ARL9: variants seen among roughly 807,000 people sequenced by gnomAD.
The protein encoded by ARL9 is ADP-ribosylation factor-like protein 9.
ARL9 carries 14 observed loss-of-function variants against 27.0 expected under a neutral mutation model. The observed-to-expected ratio is 0.52, with a 90% CI of 0.34 to 0.81. The LOEUF (loss-of-function observed/expected upper bound fraction) is 0.81, where lower values mean the gene tolerates loss of function less well. ARL9 is among the 30% of genes least tolerant of loss of function. The pLI is 0.01. For synonymous variants in ARL9, 106 were observed against 108.7 expected, an observed-to-expected ratio of 0.98 and a Z score of 0.15; for missense variants, 294 against 290.0, an observed-to-expected ratio of 1.01 and a Z score of -0.10.
At chr4:56,519,474 G>A (rs779355281) in intron 3 of ARL9, among the ~76,000 whole-genome samples, 22 of 152,106 alleles carry the variant, frequency 1.4e-4, no homozygotes, top group Non-Finnish European at 2.5e-4. Flanking sequence ...GCCGGGCTTA[G>A]TGGTGGTCAC....
intron 2 of ARL9, among the ~76,000 whole-genome samples, chr4:56,513,108 C>A (rs538657066): frequency 6.6e-4 from 100 of 152,286 alleles, no homozygotes; most frequent in African/African-American, 2.4e-3. Flanking sequence ...CGCTTGCAAT[C>A]TTTGAGATTT....
At chr4:56,506,786 T>G (rs981696511) in intron 1 of ARL9, 3 of 178,638 alleles carry the variant, frequency 1.7e-5, no homozygotes, top group Non-Finnish European at 2.4e-5. Flanking sequence ...ATTAACACAG[T>G]TGTGTGTGTG....
At chr4:56,511,427 T>A in intron 2 of ARL9, 80 bp downstream of exon 2, 1 of 1,405,374 alleles carries the variant, frequency 7.1e-7, no homozygotes, top group Non-Finnish European at 9.6e-7. Context: ...CAACATTGAG[T>A]CCTTGTGAAA....
At chr4:56,517,757 C>G (rs41499049) in intron 2 of ARL9, among the ~76,000 whole-genome samples, 1 of 151,842 alleles carries the variant, frequency 6.6e-6, no homozygotes, top group Non-Finnish European at 1.5e-5. Context: ...GAAGAATCAG[C>G]AGGATGAAGT....
At chr4:56,505,679 C>A, upstream of ARL9, 1 of 995,966 alleles carries the variant, frequency 1.0e-6, no homozygotes, top group Non-Finnish European at 1.4e-6. Flanking sequence ...CTGCAAGAAG[C>A]CCTGCATCCG....
intron 3 of ARL9, among the ~76,000 whole-genome samples, chr4:56,523,430 G>A (rs531222074): frequency 7.2e-5 from 11 of 152,234 alleles, no homozygotes; most frequent in Non-Finnish European, 1.2e-4. Context: ...CAGATTGACT[G>A]CACCGTTTAG....
At chr4:56,514,500 A>G (rs1348739088) in intron 2 of ARL9, among the ~76,000 whole-genome samples, 1 of 152,204 alleles carries the variant, frequency 6.6e-6, no homozygotes, top group African/African-American at 2.4e-5. Flanking sequence ...TGAAGGAAAA[A>G]GAGCATATCA....
intron 3 of ARL9, among the ~76,000 whole-genome samples, chr4:56,519,837 C>T (rs1328332018): frequency 2.0e-5 from 3 of 151,832 alleles, no homozygotes; most frequent in South Asian, 2.1e-4. Flanking sequence ...ATATAAAATA[C>T]GGTATGCACA....
chr4:56,516,319 CA>C (rs1248503647), intron 2 of ARL9, among the ~76,000 whole-genome samples: 1 of 151,650 alleles, frequency 6.6e-6, no homozygotes, highest in Non-Finnish European at 1.5e-5. Flanking sequence ...AAACAGGATA[CA>C]AAAAATAATA....
Position 56,515,950 on chromosome 4 carries a change from T to C in ARL9, c.443-2728T>C, listed in dbSNP as rs1721755954. On this transcript the variant is annotated intron_variant, in intron 2 of 3. Coordinates refer to ENST00000640821, the MANE Select transcript of ARL9 (RefSeq NM_001363794.2). Reference sequence around the variant, plus strand: ...TAAAAAGAGTTTGACAAGCTGAGGCTAAAATTTACATGGGTGAGCAAAGGG... The same window carrying C: ...TAAAAAGAGTTTGACAAGCTGAGGCCAAAATTTACATGGGTGAGCAAAGGG... Among the ~76,000 whole-genome samples the C allele has an allele frequency of 2.6e-5, 4 of 152,304 alleles. No individual in the cohort carries two copies. In the South Asian group the frequency reaches 6.2e-4, roughly 24 times the overall value.
At chr4:56,521,803 G>T (rs1721926789) in intron 3 of ARL9, among the ~76,000 whole-genome samples, 1 of 151,980 alleles carries the variant, frequency 6.6e-6, no homozygotes, top group South Asian at 2.1e-4. Context: ...ATTCCTACTA[G>T]GGTGTTTATC....
Position 56,523,936 on chromosome 4 carries a change from C to T in ARL9, c.*60C>T. 6.8e-7 allele frequency: 1 copy of T among 1,479,518 alleles called. No homozygotes were observed. The allele number at this position is 1,479,518 out of a possible 1,614,324, so 91.6% of individuals were successfully genotyped here. A position where few individuals can be genotyped will look rare whatever the true frequency, so the allele number is the denominator to read the frequency against. ...GATGTCATCAGTGTTGAATGGCAGG[C>T]TTGAAGCCAAAGGTTTCCACCTCAA... On this transcript the variant is annotated 3_prime_UTR_variant, in exon 4 of 4. Coordinates refer to ENST00000640821, the MANE Select transcript of ARL9 (RefSeq NM_001363794.2).
At chr4:56,518,508 C>T (rs1721826187) in intron 2 of ARL9, among the ~76,000 whole-genome samples, 170 bp from the exon 3 acceptor site, 2 of 152,146 alleles carry the variant, frequency 1.3e-5, no homozygotes, top group South Asian at 2.1e-4. Context: ...ACCAGTTTAC[C>T]GCTAACATGC....
At chr4:56,505,265 T>G, upstream of ARL9, 1 of 380,920 alleles carries the variant, frequency 2.6e-6, no homozygotes, top group East Asian at 7.6e-5. Flanking sequence ...GGTAGTAGTC[T>G]GGAGACACTC....
intron 2 of ARL9, among the ~76,000 whole-genome samples, chr4:56,512,003 C>T (rs748097009): frequency 2.0e-5 from 3 of 152,118 alleles, no homozygotes; most frequent in Non-Finnish European, 2.9e-5. Flanking sequence ...TAAATGGTTC[C>T]ATACTCATCA....
intron 2 of ARL9, among the ~76,000 whole-genome samples, chr4:56,513,998 CA>C (rs1721709725): frequency 6.6e-6 from 1 of 152,030 alleles, no homozygotes. Context: ...GGCAAAACCC[CA>C]TCTATACAAA....
chr4:56,509,203 T>TTTTCTTTTC (rs1721554385), intron 1 of ARL9, among the ~76,000 whole-genome samples: 2 of 137,710 alleles, frequency 1.5e-5, no homozygotes, highest in Admixed American at 8.1e-5. Flanking sequence ...TTCTTTTTCT[T>TTTTCTTTTC]TTTTTTGTTT....
chr4:56,505,555 C>G, upstream of ARL9: 6 of 567,792 alleles, frequency 1.1e-5, no homozygotes, highest in South Asian at 9.4e-5. Context: ...ATATACCCCG[C>G]CGAACTGTCC....
At chr4:56,509,210 GT>G (rs56840959) in intron 1 of ARL9, among the ~76,000 whole-genome samples, 34 of 137,424 alleles carry the variant, frequency 2.5e-4, no homozygotes, top group Non-Finnish European at 2.8e-4. Context: ...TCTTTTTTTT[GT>G]TTTTTTTTTT....
Sources: allele counts gnomAD v4.1 joint callset (sites outside exome capture counted in the v4.1 genomes callset), GRCh38; gene constraint gnomAD v4.1.1; transcripts MANE v1.5; gene names NCBI Gene and HGNC (gene_info 2026-07-23, HGNC 2026-07-21).